TENM1: variants seen among roughly 807,000 people sequenced by gnomAD.
TENM1 encodes the protein teneurin transmembrane protein 1, also known as teneurin-1.
In TENM1, 35 loss-of-function variants were observed where a neutral mutation model predicts 174.8. The ratio of observed to expected loss-of-function variants is 0.20; its 90% CI spans 0.15 to 0.27. The LOEUF (loss-of-function observed/expected upper bound fraction) is 0.27. Among genes scored for constraint, TENM1 ranks in the 10% least tolerant of loss-of-function variants. The pLI is 1.00. For synonymous variants in TENM1, 781 were observed against 798.7 expected, an observed-to-expected ratio of 0.98 and a Z score of 0.37; for missense variants, 1,633 against 2,130.1, an observed-to-expected ratio of 0.77 and a Z score of 4.59.
At chrX:125,037,771 T>G in the TENM1 span, among the ~76,000 whole-genome samples, 1 of 111,587 alleles carries the variant, frequency 9.0e-6, no homozygotes. Flanking sequence ...CCAAGTTGTA[T>G]ACAATTAATC....
At chrX:124,686,958 T>C (rs1221204048) in intron 5 of TENM1, among the ~76,000 whole-genome samples, 1 of 111,306 alleles carries the variant, frequency 9.0e-6, no homozygotes, top group Non-Finnish European at 1.9e-5. Flanking sequence ...GATATTTAAA[T>C]AGGAAGAGAG....
the TENM1 span, among the ~76,000 whole-genome samples, chrX:124,974,888 C>CTATATATATATATATATATATATATATAA: frequency 4.1e-5 from 3 of 72,753 alleles, no homozygotes; most frequent in African/African-American, 1.6e-4. Context: ...GGGACTGACA[C>CTATATATATATATATATATATATATATAA]TATATATATA....
intron 4 of TENM1, among the ~76,000 whole-genome samples, chrX:124,723,603 G>GTTTTT (rs1198093791): frequency 1.3e-5 from 1 of 74,933 alleles, no homozygotes; most frequent in Non-Finnish European, 2.5e-5. Flanking sequence ...TTTTTTTTTT[G>GTTTTT]TTTTTTTTTT....
intron 3 of TENM1, among the ~76,000 whole-genome samples, chrX:124,825,865 A>T (rs2056147971): frequency 8.9e-6 from 1 of 112,006 alleles, no homozygotes. Context: ...AAGAAATGGT[A>T]ATTATGCTCA....
chrX:125,032,587 G>A, the TENM1 span, among the ~76,000 whole-genome samples: 2 of 111,429 alleles, frequency 1.8e-5, no homozygotes, highest in Admixed American at 1.9e-4. Context: ...GCTGTCTACA[G>A]TCTTGCTTAC....
chrX:124,937,344 C>A (rs2058261035), intron 1 of TENM1, among the ~76,000 whole-genome samples: 1 of 111,562 alleles, frequency 9.0e-6, no homozygotes, highest in South Asian at 3.8e-4. Flanking sequence ...GTTTATTTCT[C>A]CTGTCTAGAC....
At chrX:124,919,235 A>G (rs1319139938) in intron 1 of TENM1, among the ~76,000 whole-genome samples, 1 of 111,995 alleles carries the variant, frequency 8.9e-6, no homozygotes, top group Non-Finnish European at 1.9e-5. Flanking sequence ...ACAGATCACA[A>G]TGGCCATGTA....
Position 124,896,206 on chromosome X carries a change from A to G in TENM1, c.253T>C (p.Ser85Pro), listed in dbSNP as rs151298344. 62 of 1,209,448 alleles carry G rather than the reference A, an allele frequency of 5.1e-5. No homozygotes were observed. In the African/African-American group the frequency reaches 7.7e-4, roughly 15 times the overall value. ...CTGTGCATGTCTGTTTGGTAGCCAGAGCACAGAGTGTGAGAGGTTTCACAG... is the reference window on the plus strand; with the variant it reads ...CTGTGCATGTCTGTTTGGTAGCCAGGGCACAGAGTGTGAGAGGTTTCACAG... The change falls in exon 2 of 32, where the codon TCT (serine) becomes CCT (proline). Residue 85 changes from serine (S) to proline (P), a missense_variant. By Grantham distance (74) the Ser-to-Pro change is moderately conservative. Around this residue, in one of 4 missense-constraint regions of TENM1, gnomAD observed 305 missense variants for 309.2 expected, o/e 0.99. Transcript: ENST00000422452.
At chrX:124,477,979 T>C (rs1232324316) in intron 22 of TENM1, among the ~76,000 whole-genome samples, 1 of 107,072 alleles carries the variant, frequency 9.3e-6, no homozygotes, top group East Asian at 2.8e-4. Context: ...TAATACTATT[T>C]ACATCATGCA....
chrX:125,174,574 A>G, the TENM1 span, among the ~76,000 whole-genome samples: 262 of 111,533 alleles, frequency 2.3e-3, 1 homozygote, highest in African/African-American at 8.2e-3. Context: ...TGCAAAATAT[A>G]TCTACCAGAC....
chrX:125,110,434 T>C, the TENM1 span, among the ~76,000 whole-genome samples: 26 of 111,352 alleles, frequency 2.3e-4, no homozygotes, highest in East Asian at 8.5e-4. Flanking sequence ...CCCATGCTTA[T>C]GGGTATTTTT....
At chrX:124,425,995 G>GGTGTGTGTGTGT (rs200141105) in intron 23 of TENM1, among the ~76,000 whole-genome samples, 9 of 88,022 alleles carry the variant, frequency 1.0e-4, no homozygotes, top group African/African-American at 2.9e-4. Flanking sequence ...CAAAAGGACT[G>GGTGTGTGTGTGT]GTGTGTGTGT....
At chrX:125,146,377 C>T in the TENM1 span, among the ~76,000 whole-genome samples, 9 of 111,468 alleles carry the variant, frequency 8.1e-5, no homozygotes, top group African/African-American at 2.3e-4. Flanking sequence ...CACTAACACA[C>T]CTATATACAA....
chrX:124,976,653 G>A, the TENM1 span, among the ~76,000 whole-genome samples: 427 of 111,918 alleles, frequency 3.8e-3, 2 homozygotes, highest in African/African-American at 0.013. Flanking sequence ...AAGATCCTAA[G>A]ATGCTATGAA....
intron 3 of TENM1, among the ~76,000 whole-genome samples, chrX:124,844,947 C>T (rs1371287410): frequency 9.0e-6 from 1 of 111,311 alleles, no homozygotes; most frequent in Non-Finnish European, 1.9e-5. Context: ...AGACCTATCA[C>T]AGGCCATGTA....
intron 1 of TENM1, among the ~76,000 whole-genome samples, chrX:124,930,954 T>C (rs925289816): frequency 9.0e-6 from 1 of 111,723 alleles, no homozygotes; most frequent in Non-Finnish European, 1.9e-5. Flanking sequence ...AACAGTCTTT[T>C]AGAGTTATGA....
chrX:124,496,207 A>G (rs2047198223), intron 20 of TENM1, among the ~76,000 whole-genome samples: 2 of 111,501 alleles, frequency 1.8e-5, no homozygotes, highest in South Asian at 7.6e-4. Flanking sequence ...TACACCTTAC[A>G]CAAAAATCAA....
chrX:124,407,464 T>G (rs1351758158), intron 25 of TENM1, among the ~76,000 whole-genome samples: 2 of 112,614 alleles, frequency 1.8e-5, no homozygotes, highest in Admixed American at 1.9e-4. Flanking sequence ...AATTATATTC[T>G]TTTTACCCAA....
chrX:124,934,877 T>C (rs896798553), intron 1 of TENM1, among the ~76,000 whole-genome samples: 1 of 111,314 alleles, frequency 9.0e-6, no homozygotes, highest in Admixed American at 9.6e-5. Context: ...AATATCTCCC[T>C]GTATGTTACA....
Sources: allele counts gnomAD v4.1 joint callset (sites outside exome capture counted in the v4.1 genomes callset), GRCh38; gene constraint gnomAD v4.1.1; regional missense constraint gnomAD v4.1.1; transcripts MANE v1.5; gene names NCBI Gene and HGNC (gene_info 2026-07-23, HGNC 2026-07-21).